PIEZO2: variants seen among roughly 807,000 people sequenced by gnomAD.
PIEZO2 encodes piezo type mechanosensitive ion channel component 2, also known as piezo-type mechanosensitive ion channel component 2.
Under a neutral mutation model 337.3 loss-of-function variants are expected in PIEZO2, and 172 were observed. That is an observed-to-expected ratio of 0.51 (90% CI 0.45 to 0.58). PIEZO2 has a LOEUF of 0.58. PIEZO2 is among the 20% of genes least tolerant of loss of function. PIEZO2 has a pLI of 0.00. For missense variants in PIEZO2, 3,028 were observed against 3,391.3 expected, an observed-to-expected ratio of 0.89 and a Z score of 2.66; for synonymous variants, 1,251 against 1,228.5, an observed-to-expected ratio of 1.02 and a Z score of -0.38.
At chr18:10,948,198 A>T (rs990903212) in intron 3 of PIEZO2, among the ~76,000 whole-genome samples, 1 of 152,124 alleles carries the variant, frequency 6.6e-6, no homozygotes, top group African/African-American at 2.4e-5. Flanking sequence ...ATTTCAATAT[A>T]TAATAAAAAT....
rs911771660 is a variant in PIEZO2 at position 11,002,029 on chromosome 18, G to C, written c.161-22369C>G. On this transcript the variant is annotated intron_variant, in intron 2 of 55. Transcript: ENST00000674853. This position sits in a 1 kb window ranked among gnomAD's most constrained non-coding sequence, Gnocchi z 4.3. ...TTCTACCTGTAAGGGCCAGAGAGTA[G>C]ATATTTTAGGCTTTGTGAGACACAT... Among the ~76,000 whole-genome samples, 7 of 152,152 alleles carry C rather than the reference G, an allele frequency of 4.6e-5. No individual in the cohort carries two copies. The highest frequency in any genetic ancestry group is 1.0e-4 in the Non-Finnish European group (7 of 68,020).
chr18:10,714,649 G>C (rs1226225918), intron 39 of PIEZO2, 115 bp downstream of exon 39: 1 of 1,161,858 alleles, frequency 8.6e-7, no homozygotes, highest in African/African-American at 1.5e-5. Context: ...AAGAGGGTGG[G>C]GGTCCATGCA....
chr18:10,728,715 G>T (rs1007420252), intron 36 of PIEZO2, among the ~76,000 whole-genome samples: 4 of 151,986 alleles, frequency 2.6e-5, no homozygotes, highest in African/African-American at 9.7e-5. Context: ...CAGCACTTTG[G>T]GAGGCCGAGG....
chr18:10,910,545 T>G (rs538551287), intron 4 of PIEZO2, among the ~76,000 whole-genome samples: 1 of 151,474 alleles, frequency 6.6e-6, no homozygotes, highest in Non-Finnish European at 1.5e-5. Context: ...ATCATGCCAG[T>G]GCACTCCAGC....
rs1186316691 is a variant in PIEZO2, at chr18:10,681,730, T to TGAAAACAG, written c.7709_7710insCTGTTTTC (p.Gln2570HisfsTer8). The TGAAAACAG allele has an allele frequency of 6.2e-7, 1 of 1,611,122 alleles. No homozygotes were observed. The highest frequency in any genetic ancestry group is 8.5e-7 in the Non-Finnish European group (1 of 1,177,276). On this transcript the variant is annotated frameshift_variant, in exon 51 of 56. Coordinates refer to ENST00000674853, the MANE Select transcript of PIEZO2 (RefSeq NM_001378183.1). LOFTEE classifies it high-confidence loss of function. ...GGTCCATAACTTTCAACTGGCTTTGTTGGGCACTCATTGTGAAAATAGGCT... is the reference window on the plus strand; with the variant it reads ...GGTCCATAACTTTCAACTGGCTTTGTGAAAACAGTGGGCACTCATTGTGAAAATAGGCT...
intron 5 of PIEZO2, among the ~76,000 whole-genome samples, chr18:10,866,532 A>C (rs116046805): frequency 2.6e-5 from 4 of 152,066 alleles, no homozygotes; most frequent in Non-Finnish European, 5.9e-5. Flanking sequence ...TGATCTGCCC[A>C]CCTTGCCCTC....
In PIEZO2 at chr18:10,677,879, T is replaced by C. The variant is rs375952861; in HGVS notation, c.7953-4A>G. 218 of 1,536,670 alleles carry C rather than the reference T, an allele frequency of 1.4e-4. 1 individual carries two copies. Among genetic ancestry groups the C allele is most frequent in the Non-Finnish European group, 1.7e-4 (201 of 1,151,572 alleles). ...TTTTGCACCCAGACTTAAGTTTCTGTGAAGAAAAAAAAAAAGCTTAATGTC... is the reference window on the plus strand; with the variant it reads ...TTTTGCACCCAGACTTAAGTTTCTGCGAAGAAAAAAAAAAAGCTTAATGTC... On this transcript the variant is annotated splice_polypyrimidine_tract_variant and splice_region_variant and intron_variant, in intron 52 of 55. Coordinates refer to ENST00000674853, the MANE Select transcript of PIEZO2 (RefSeq NM_001378183.1). This position sits in a 1 kb window ranked among gnomAD's most constrained non-coding sequence, Gnocchi z 4.1.
chr18:11,142,800 C>T (rs1190948110), intron 1 of PIEZO2, among the ~76,000 whole-genome samples: 5 of 130,104 alleles, frequency 3.8e-5, no homozygotes, highest in East Asian at 2.4e-4. Flanking sequence ...AAAAAAGGAC[C>T]GGGCACGGTG....
chr18:10,679,465 GA>G (rs2034165259), intron 52 of PIEZO2, among the ~76,000 whole-genome samples: 1 of 152,104 alleles, frequency 6.6e-6, no homozygotes, highest in South Asian at 2.1e-4. Flanking sequence ...GCAGGATATT[GA>G]TTTTTTTGGA....
At chr18:11,045,446 C>T (rs997647405) in intron 2 of PIEZO2, among the ~76,000 whole-genome samples, 3 of 152,152 alleles carry the variant, frequency 2.0e-5, no homozygotes, top group Non-Finnish European at 4.4e-5. Context: ...CACATCACAG[C>T]CTTCCGGTGC....
intron 35 of PIEZO2, among the ~76,000 whole-genome samples, chr18:10,733,054 A>G (rs551306353): frequency 6.6e-6 from 1 of 152,178 alleles, no homozygotes; most frequent in African/African-American, 2.4e-5. Context: ...TTCTCTGAAG[A>G]AAAAGGAAAC....
chr18:11,137,075 C>T (rs1457493976), intron 1 of PIEZO2, among the ~76,000 whole-genome samples: 1 of 152,212 alleles, frequency 6.6e-6, no homozygotes. Context: ...ACATCTTGTT[C>T]ATGCTATTCC....
chr18:10,958,587 T>C (rs1282258120), intron 3 of PIEZO2, among the ~76,000 whole-genome samples: 2 of 152,212 alleles, frequency 1.3e-5, no homozygotes, highest in Non-Finnish European at 2.9e-5. Flanking sequence ...ATATATTAAT[T>C]AGCTTGATTA....
intron 1 of PIEZO2, among the ~76,000 whole-genome samples, chr18:11,122,205 T>G (rs2146199851): frequency 6.6e-6 from 1 of 152,336 alleles, no homozygotes; most frequent in Middle Eastern, 3.4e-3. Context: ...TCCACCCGCC[T>G]CGGCCTCCCA....
chr18:11,128,155 T>C lies in PIEZO2; in HGVS notation c.64+20370A>G, dbSNP rs2040238416. On this transcript the variant is annotated intron_variant, in intron 1 of 55. Coordinates refer to ENST00000674853, the MANE Select transcript of PIEZO2 (RefSeq NM_001378183.1). This position sits in a 1 kb window ranked among gnomAD's most constrained non-coding sequence, Gnocchi z 4.1. The stretch of plus-strand genomic sequence containing the variant: ...ATATGTGGAGAACCAAGGAACGTAA[T>C]AAAGCTGGTTGGTTGCTCCTAAGTT... Among the ~76,000 whole-genome samples the C allele has an allele frequency of 1.3e-5, 2 of 152,114 alleles. No individual in the cohort carries two copies. Among genetic ancestry groups the C allele is most frequent in the African/African-American group, 4.8e-5 (2 of 41,408 alleles).
At chr18:10,753,519 C>A (rs765379836) in intron 27 of PIEZO2, among the ~76,000 whole-genome samples, 1 of 152,208 alleles carries the variant, frequency 6.6e-6, no homozygotes, top group Non-Finnish European at 1.5e-5. Flanking sequence ...CAGCTCTAGC[C>A]TGCGGGTCAA....
chr18:10,958,063 G>A (rs1197704967), intron 3 of PIEZO2, among the ~76,000 whole-genome samples: 1 of 152,154 alleles, frequency 6.6e-6, no homozygotes, highest in Non-Finnish European at 1.5e-5. Context: ...CTCTGTGTGT[G>A]GGAATGTAAA....
intron 18 of PIEZO2, among the ~76,000 whole-genome samples, chr18:10,778,965 G>A (rs1374212019): frequency 6.6e-6 from 1 of 152,234 alleles, no homozygotes; most frequent in Non-Finnish European, 1.5e-5. Flanking sequence ...GAAAAAGAGA[G>A]TGAGGAGTTC....
chr18:10,743,989 T>G (rs1040538253), intron 31 of PIEZO2, among the ~76,000 whole-genome samples, 153 bp downstream of exon 31: 1 of 152,152 alleles, frequency 6.6e-6, no homozygotes, highest in Admixed American at 6.5e-5. Flanking sequence ...CATGAGCAAC[T>G]GCCCCCGCAC....
Sources: allele counts gnomAD v4.1 joint callset (sites outside exome capture counted in the v4.1 genomes callset), GRCh38; gene constraint gnomAD v4.1.1; non-coding constraint Gnocchi (gnomAD v3.1); transcripts MANE v1.5; gene names NCBI Gene and HGNC (gene_info 2026-07-23, HGNC 2026-07-21).